The following INPP4B variants were observed in gnomAD, a reference collection of about 807,000 sequenced individuals.
INPP4B encodes the protein inositol polyphosphate 4-phosphatase type II.
INPP4B carries 55 observed loss-of-function variants against 122.5 expected under a neutral mutation model. That is an observed-to-expected ratio of 0.45 (90% CI 0.36 to 0.56). INPP4B has a LOEUF of 0.56. Among genes scored for constraint, INPP4B ranks in the 20% least tolerant of loss-of-function variants. The probability of loss-of-function intolerance (pLI) is 0.00; values close to 1 mark genes in which losing one functional copy is unlikely to be tolerated. For synonymous variants in INPP4B, 403 were observed against 388.7 expected (o/e 1.04, Z -0.43); for missense variants, 1,000 against 1,097.7 (o/e 0.91, Z 1.26).
At chr4:142,606,447 C>G (rs1741283708) in intron 2 of INPP4B, among the ~76,000 whole-genome samples, 1 of 151,850 alleles carries the variant, frequency 6.6e-6, no homozygotes, top group African/African-American at 2.4e-5. Flanking sequence ...GTTTATCACT[C>G]ATGATAAACC....
intron 2 of INPP4B, among the ~76,000 whole-genome samples, chr4:142,657,970 T>G (rs887775579): frequency 6.6e-6 from 1 of 152,214 alleles, no homozygotes; most frequent in African/African-American, 2.4e-5. Flanking sequence ...TCATTTGACA[T>G]GTTTAGGTAC....
At chr4:142,105,461 A>T (rs1292643749) in intron 23 of INPP4B, among the ~76,000 whole-genome samples, 3 of 152,158 alleles carry the variant, frequency 2.0e-5, no homozygotes, top group African/African-American at 7.2e-5. Context: ...CTACAAATAT[A>T]ACAGAATTAG....
intron 2 of INPP4B, among the ~76,000 whole-genome samples, chr4:142,642,181 G>GAGTAGATT (rs1379566603): frequency 1.3e-5 from 2 of 152,130 alleles, no homozygotes; most frequent in Non-Finnish European, 2.9e-5. Flanking sequence ...TTTGTCAGAT[G>GAGTAGATT]AGTAGATTGC....
At chr4:142,243,739 G>T (rs377681500) in intron 11 of INPP4B, among the ~76,000 whole-genome samples, 25 of 152,142 alleles carry the variant, frequency 1.6e-4, no homozygotes, top group East Asian at 7.7e-4. Context: ...CTCAAAATGA[G>T]TATAGCAGGA....
intron 2 of INPP4B, among the ~76,000 whole-genome samples, chr4:142,692,885 T>A (rs1398007148): frequency 7.4e-6 from 1 of 134,924 alleles, no homozygotes; most frequent in Non-Finnish European, 1.6e-5. Context: ...AAAGTTGACT[T>A]AATTAAAACC....
At chr4:142,394,652 T>C (rs545746132) in intron 7 of INPP4B, among the ~76,000 whole-genome samples, 2 of 152,290 alleles carry the variant, frequency 1.3e-5, no homozygotes, top group South Asian at 4.1e-4. Flanking sequence ...CCTTTGCCAA[T>C]TTTCTAAATG....
chr4:142,379,972 T>C (rs1412450073), intron 7 of INPP4B, among the ~76,000 whole-genome samples: 1 of 152,176 alleles, frequency 6.6e-6, no homozygotes, highest in Non-Finnish European at 1.5e-5. Context: ...TGGTGACAAC[T>C]GCAGAGTACT....
At chr4:142,657,456 C>T (rs1456564802) in intron 2 of INPP4B, among the ~76,000 whole-genome samples, 1 of 152,072 alleles carries the variant, frequency 6.6e-6, no homozygotes, top group Non-Finnish European at 1.5e-5. Context: ...ACTTAGCACA[C>T]AAAGCAACTT....
intron 2 of INPP4B, among the ~76,000 whole-genome samples, chr4:142,643,903 G>A (rs183911375): frequency 2.6e-5 from 4 of 152,062 alleles, no homozygotes; most frequent in African/African-American, 4.8e-5. Context: ...TCAACTCCCC[G>A]CATAAGAATA....
chr4:142,827,414 T>C (rs149819068), intron 1 of INPP4B, among the ~76,000 whole-genome samples: 189 of 152,238 alleles, frequency 1.2e-3, no homozygotes, highest in African/African-American at 4.5e-3. Flanking sequence ...AACTAGAAGG[T>C]CCTCGTATAA....
chr4:142,354,557 C>T (rs1561916939), intron 7 of INPP4B, among the ~76,000 whole-genome samples: 1 of 151,908 alleles, frequency 6.6e-6, no homozygotes, highest in Non-Finnish European at 1.5e-5. Context: ...TCATTAGTTC[C>T]AATTCTTCCA....
At chr4:142,307,232 T>C (rs1763738731) in intron 8 of INPP4B, among the ~76,000 whole-genome samples, 1 of 152,092 alleles carries the variant, frequency 6.6e-6, no homozygotes, top group Non-Finnish European at 1.5e-5. Flanking sequence ...TGAATCAAAG[T>C]ATTTATGTCA....
In INPP4B at chr4:142,285,169, A is replaced by T. The variant is rs554632634; in HGVS notation, c.504-14395T>A. ...AAAATTGAGACTCTGGAGCATTGGGATTAATGATGAGATCTCGGAGATGAC... is the reference window on the plus strand; with the variant it reads ...AAAATTGAGACTCTGGAGCATTGGGTTTAATGATGAGATCTCGGAGATGAC... On this transcript the variant is annotated intron_variant, in intron 9 of 25. Coordinates refer to ENST00000262992, the MANE Select transcript of INPP4B (RefSeq NM_001101669.3). Among the ~76,000 whole-genome samples, 92 of 152,080 alleles carry T rather than the reference A, an allele frequency of 6.0e-4. 2 individuals carry two copies. The highest frequency in any genetic ancestry group is 2.5e-3 in the South Asian group (12 of 4,808).
chr4:142,844,122 CACA>C (rs1012777664), intron 1 of INPP4B, among the ~76,000 whole-genome samples: 5 of 152,116 alleles, frequency 3.3e-5, no homozygotes, highest in Non-Finnish European at 5.9e-5. Context: ...GAAGCTCAAA[CACA>C]ACATTTTAAA....
intron 1 of INPP4B, among the ~76,000 whole-genome samples, chr4:142,810,846 C>T (rs921683461): frequency 9.2e-5 from 14 of 152,276 alleles, no homozygotes; most frequent in African/African-American, 3.4e-4. Flanking sequence ...TTAGATCTGA[C>T]CCCTAATCCT....
intron 2 of INPP4B, among the ~76,000 whole-genome samples, chr4:142,526,212 C>T (rs1826893284): frequency 6.6e-6 from 1 of 152,028 alleles, no homozygotes. Flanking sequence ...CTGCAAAGAA[C>T]ATGCTGTATC....
chr4:142,372,848 A>G (rs552304231), intron 7 of INPP4B, among the ~76,000 whole-genome samples: 1 of 152,116 alleles, frequency 6.6e-6, no homozygotes, highest in East Asian at 1.9e-4. Flanking sequence ...AAGCATCTTG[A>G]CTACACTGAC....
At position 142,170,204 on chromosome 4, in the gene INPP4B, T is replaced by G. The variant is rs550160865; in HGVS notation, c.1359+3428A>C. Among the ~76,000 whole-genome samples the G allele has an allele frequency of 4.6e-5, 7 of 151,846 alleles. No homozygotes were observed. In the South Asian group the frequency reaches 1.2e-3, roughly 27 times the overall value. ...TTATTCAGAAAAACTCAGCTTGGCT[T>G]TTGTTAGATTCTTACACCATAAGAT... On this transcript the variant is annotated intron_variant, in intron 16 of 25. Coordinates refer to ENST00000262992, the MANE Select transcript of INPP4B (RefSeq NM_001101669.3).
chr4:142,146,148 G>T (rs1367416019), intron 17 of INPP4B, 152 bp from the exon 18 acceptor site: 2 of 783,076 alleles, frequency 2.6e-6, no homozygotes, highest in Non-Finnish European at 4.0e-6. Flanking sequence ...GTCAGACTAT[G>T]GATATATAAT....
Sources: allele counts gnomAD v4.1 joint callset (sites outside exome capture counted in the v4.1 genomes callset), GRCh38; gene constraint gnomAD v4.1.1; transcripts MANE v1.5; gene names NCBI Gene and HGNC (gene_info 2026-07-23, HGNC 2026-07-21).